Variants in ARL15 observed in about 807,000 individuals in gnomAD.
The protein encoded by ARL15 is ADP-ribosylation factor-like protein 15.
ARL15 carries 19 observed loss-of-function variants against 25.2 expected under a neutral mutation model. The observed-to-expected ratio is 0.75, with a 90% CI of 0.53 to 1.10. ARL15 has a LOEUF of 1.10. Among genes scored for constraint, ARL15 ranks in the 50% least tolerant of loss-of-function variants. The probability of loss-of-function intolerance (pLI) is 0.00; values close to 1 mark genes in which losing one functional copy is unlikely to be tolerated. For synonymous variants in ARL15, 94 were observed against 86.8 expected (o/e 1.08, Z -0.46); for missense variants, 220 against 246.0 (o/e 0.89, Z 0.71).
chr5:53,951,340 A>G (rs1172539342), intron 4 of ARL15, among the ~76,000 whole-genome samples: 1 of 152,198 alleles, frequency 6.6e-6, no homozygotes, highest in South Asian at 2.1e-4. Flanking sequence ...TTGTTTTCTA[A>G]CCCATCATAG....
chr5:54,113,663 T>C (rs930863926), intron 3 of ARL15, among the ~76,000 whole-genome samples: 11 of 152,214 alleles, frequency 7.2e-5, no homozygotes, highest in South Asian at 2.1e-4. Flanking sequence ...ATGACTTTTA[T>C]ATAAAAATGT....
chr5:54,285,938 G>A (rs1474808599), intron 1 of ARL15, among the ~76,000 whole-genome samples: 1 of 152,120 alleles, frequency 6.6e-6, no homozygotes, highest in Non-Finnish European at 1.5e-5. Flanking sequence ...TAAAGGTCGC[G>A]TCTGTCAATT....
At chr5:54,082,221 C>T (rs1751825320) in intron 4 of ARL15, among the ~76,000 whole-genome samples, 1 of 152,106 alleles carries the variant, frequency 6.6e-6, no homozygotes, top group Non-Finnish European at 1.5e-5. Context: ...AACGAGTATT[C>T]TTTTTCATCC....
chr5:53,887,850 T>G (rs1300339854), intron 4 of ARL15, among the ~76,000 whole-genome samples: 2 of 152,170 alleles, frequency 1.3e-5, no homozygotes, highest in African/African-American at 4.8e-5. Context: ...ACGGTTTTAT[T>G]TTGCCAGTAC....
chr5:53,914,612 T>C (rs993140908), intron 4 of ARL15, among the ~76,000 whole-genome samples: 1 of 152,122 alleles, frequency 6.6e-6, no homozygotes, highest in Non-Finnish European at 1.5e-5. Context: ...ACCTCAAGGC[T>C]CAGAGAGCTT....
chr5:54,029,306 T>TACCACCACCACCACCACCACC (rs1168500786), intron 4 of ARL15, among the ~76,000 whole-genome samples: 2 of 120,014 alleles, frequency 1.7e-5, no homozygotes, highest in African/African-American at 6.3e-5. Context: ...TAAAAACAGT[T>TACCACCACCACCACCACCACC]ACCACCACCA....
intron 4 of ARL15, among the ~76,000 whole-genome samples, chr5:53,939,094 C>G (rs1286662103): frequency 6.6e-6 from 1 of 152,222 alleles, no homozygotes; most frequent in African/African-American, 2.4e-5. Flanking sequence ...CTTCCCTCAA[C>G]TACCCAAATT....
chr5:54,073,967 C>T (rs1386799039), intron 4 of ARL15, among the ~76,000 whole-genome samples: 3 of 152,274 alleles, frequency 2.0e-5, no homozygotes, highest in Non-Finnish European at 2.9e-5. Flanking sequence ...GGTGGGGTCC[C>T]GTCATTCCAG....
At chr5:53,977,331 A>G (rs546067954) in intron 4 of ARL15, among the ~76,000 whole-genome samples, 4,444 of 145,754 alleles carry the variant, frequency 0.03, 85 homozygotes, top group Non-Finnish European at 0.049. Context: ...CTCCAGCCTG[A>G]GCAACAGAGT....
At chr5:54,233,855 T>C (rs1756734929) in intron 1 of ARL15, among the ~76,000 whole-genome samples, 2 of 152,202 alleles carry the variant, frequency 1.3e-5, no homozygotes, top group Non-Finnish European at 2.9e-5. Context: ...CAGAGGCAAA[T>C]ATGAGACTCT....
At chr5:54,141,377 A>G (rs1347666101) in intron 3 of ARL15, among the ~76,000 whole-genome samples, 2 of 152,062 alleles carry the variant, frequency 1.3e-5, no homozygotes, top group Non-Finnish European at 2.9e-5. Context: ...TCTTTTTTCA[A>G]GCTTTTTTTA....
chr5:54,087,022 T>C (rs191097276), intron 4 of ARL15, among the ~76,000 whole-genome samples: 60 of 152,342 alleles, frequency 3.9e-4, no homozygotes, highest in Non-Finnish European at 7.6e-4. Flanking sequence ...TAAACCTGGG[T>C]AAGCAGAAGT....
chr5:53,964,399 C>G (rs13175485), intron 4 of ARL15, among the ~76,000 whole-genome samples: 37,776 of 151,646 alleles, frequency 0.25, 4,725 homozygotes, highest in East Asian at 0.31. Flanking sequence ...TAGCTCTGTC[C>G]CCCATGCTGG....
chr5:54,112,574 T>G (rs1243841554), intron 4 of ARL15, among the ~76,000 whole-genome samples: 1 of 152,252 alleles, frequency 6.6e-6, no homozygotes, highest in Non-Finnish European at 1.5e-5. Flanking sequence ...ATCTCATTAC[T>G]GCAGTACCAT....
At chr5:54,121,752 C>T (rs1753082550) in intron 3 of ARL15, among the ~76,000 whole-genome samples, 1 of 152,130 alleles carries the variant, frequency 6.6e-6, no homozygotes, top group South Asian at 2.1e-4. Flanking sequence ...TGCCACATAT[C>T]ATCTAAGTAA....
At chr5:53,969,831 G>GT (rs1034321222) in intron 4 of ARL15, among the ~76,000 whole-genome samples, 19 of 151,768 alleles carry the variant, frequency 1.3e-4, no homozygotes, top group South Asian at 6.2e-4. Flanking sequence ...CTCTTTATTG[G>GT]TAAAAAAAAG....
chr5:54,032,914 T>C (rs1185566502), intron 4 of ARL15, among the ~76,000 whole-genome samples: 1 of 152,080 alleles, frequency 6.6e-6, no homozygotes, highest in Non-Finnish European at 1.5e-5. Context: ...AAAATGTTGG[T>C]TAATGTTTTA....
At chr5:53,967,646 G>T (rs1009584473) in intron 4 of ARL15, among the ~76,000 whole-genome samples, 1 of 152,174 alleles carries the variant, frequency 6.6e-6, no homozygotes, top group Admixed American at 6.5e-5. Flanking sequence ...GTGTCCAGTA[G>T]GGTGCTGGAT....
At chr5:53,928,925 T>C (rs1426034206) in intron 4 of ARL15, among the ~76,000 whole-genome samples, 1 of 152,202 alleles carries the variant, frequency 6.6e-6, no homozygotes, top group Admixed American at 6.5e-5. Flanking sequence ...ATAGCTTGGA[T>C]GTCTGCTTTA....
Sources: allele counts gnomAD v4.1 joint callset (sites outside exome capture counted in the v4.1 genomes callset), GRCh38; gene constraint gnomAD v4.1.1; transcripts MANE v1.5; gene names NCBI Gene and HGNC (gene_info 2026-07-23, HGNC 2026-07-21).